MMP20: variants seen among roughly 807,000 people sequenced by gnomAD.
The protein encoded by MMP20 is matrix metalloproteinase-20.
A neutral mutation model predicts 51.8 loss-of-function variants in MMP20; 50 were observed. The observed-to-expected ratio is 0.97, with a 90% CI of 0.77 to 1.22. The LOEUF is 1.22. Ranked by LOEUF, MMP20 falls within the 50% of genes most tolerant of loss-of-function variation. The probability of loss-of-function intolerance (pLI) is 0.00; values close to 1 mark genes in which losing one functional copy is unlikely to be tolerated. For synonymous variants in MMP20, 244 were observed against 216.2 expected (o/e 1.13, Z -1.13); for missense variants, 663 against 601.4 (o/e 1.10, Z -1.07).
chr11:102,578,806 AAC>A (rs1491182978), intron 9 of MMP20, among the ~76,000 whole-genome samples: 3 of 152,032 alleles, frequency 2.0e-5, no homozygotes, highest in Non-Finnish European at 2.9e-5. Flanking sequence ...AACAAAAACA[AAC>A]AAACAAACAA....
At chr11:102,581,438 T>C (rs1859195133) in intron 8 of MMP20, among the ~76,000 whole-genome samples, 1 of 152,152 alleles carries the variant, frequency 6.6e-6, no homozygotes. Context: ...TTGGAGGCAG[T>C]CCAGAGAACC....
chr11:102,585,856 G>T (rs77092650), intron 8 of MMP20, among the ~76,000 whole-genome samples: 2,761 of 152,138 alleles, frequency 0.018, 76 homozygotes, highest in African/African-American at 0.062. Context: ...TGCTTTTACT[G>T]TATCTACTGA....
At chr11:102,601,818 C>T (rs1220399815) in intron 6 of MMP20, among the ~76,000 whole-genome samples, 3 of 152,184 alleles carry the variant, frequency 2.0e-5, no homozygotes, top group Non-Finnish European at 4.4e-5. Context: ...TTTCCCTTTT[C>T]CATTGTTCTT....
intron 7 of MMP20, among the ~76,000 whole-genome samples, chr11:102,593,897 A>T (rs1379718313): frequency 6.6e-6 from 1 of 152,244 alleles, no homozygotes; most frequent in Admixed American, 6.5e-5. Context: ...TCACCTTCAT[A>T]GATCTACGAG....
Position 102,601,325 on chromosome 11 carries a change from G to A in MMP20, c.953+5210C>T, listed in dbSNP as rs1859443857. Among the ~76,000 whole-genome samples, 2 of 52,548 alleles carry A rather than the reference G, an allele frequency of 3.8e-5. 1 individual carries two copies. Among genetic ancestry groups the A allele is most frequent in the African/African-American group, 1.2e-4 (2 of 17,354 alleles). The allele number at this position is 52,548 out of a possible 152,430, so 34.5% of individuals were successfully genotyped here. A position where few individuals can be genotyped will look rare whatever the true frequency, so the allele number is the denominator to read the frequency against. On this transcript the variant is annotated intron_variant, in intron 6 of 9. Coordinates refer to ENST00000260228, the MANE Select transcript of MMP20 (RefSeq NM_004771.4). ...TTTTTTGTATTTTTAGTAGAGACGG[G>A]GTTTCACCGTTTTAGCCGGGATGGT...
At chr11:102,603,162 A>G (rs1859470138) in intron 6 of MMP20, among the ~76,000 whole-genome samples, 1 of 152,234 alleles carries the variant, frequency 6.6e-6, no homozygotes, top group African/African-American at 2.4e-5. Flanking sequence ...TATTATGCCC[A>G]CAGCTTGAAA....
chr11:102,621,979 G>A (rs1010775980), intron 1 of MMP20, among the ~76,000 whole-genome samples: 8 of 152,132 alleles, frequency 5.3e-5, no homozygotes, highest in Non-Finnish European at 1.2e-4. Context: ...TAAAAAGTAT[G>A]TTTTAAATGT....
intron 9 of MMP20, 47 bp from the exon 10 acceptor site, chr11:102,577,473 A>G (rs1859139588): frequency 1.6e-6 from 2 of 1,270,440 alleles, no homozygotes; most frequent in Non-Finnish European, 2.3e-6. Context: ...TGTCCAGCAC[A>G]TATATAAATG....
intron 6 of MMP20, among the ~76,000 whole-genome samples, chr11:102,595,269 C>G (rs924288462): frequency 2.0e-5 from 3 of 152,122 alleles, no homozygotes; most frequent in African/African-American, 7.2e-5. Context: ...CTTTTTGGAC[C>G]TTGGTAAACA....
intron 6 of MMP20, among the ~76,000 whole-genome samples, chr11:102,601,589 C>T (rs1859447148): frequency 2.0e-5 from 3 of 152,168 alleles, no homozygotes; most frequent in African/African-American, 7.2e-5. Flanking sequence ...TTAAATGTCT[C>T]CTTTATGTGG....
intron 5 of MMP20, chr11:102,607,952 C>T (rs894743527): frequency 2.0e-5 from 3 of 152,156 alleles, no homozygotes; most frequent in African/African-American, 7.2e-5. Context: ...TGCTTTCCCC[C>T]TCCTGGAAAT....
intron 3 of MMP20, among the ~76,000 whole-genome samples, 183 bp downstream of exon 3, chr11:102,611,572 G>T (rs1859600033): frequency 6.6e-6 from 1 of 152,224 alleles, no homozygotes; most frequent in Non-Finnish European, 1.5e-5. Flanking sequence ...GACATGCTAA[G>T]AACTCCTTTG....
intron 1 of MMP20, among the ~76,000 whole-genome samples, chr11:102,618,689 C>T (rs2509020): frequency 0.41 from 62,344 of 151,916 alleles, 13,218 homozygotes; most frequent in South Asian, 0.58. Flanking sequence ...TATACACACA[C>T]GCACACACAT....
At chr11:102,619,850 G>C (rs960004029) in intron 1 of MMP20, among the ~76,000 whole-genome samples, 1 of 151,440 alleles carries the variant, frequency 6.6e-6, no homozygotes, top group Non-Finnish European at 1.5e-5. Context: ...TGCACAAAAT[G>C]TTAGTCTTAG....
At chr11:102,600,447 A>G (rs2509015) in intron 6 of MMP20, among the ~76,000 whole-genome samples, 77,563 of 151,392 alleles carry the variant, frequency 0.51, 20,335 homozygotes, top group South Asian at 0.67. Context: ...TGAATGATCT[A>G]TCTCAACTCT....
chr11:102,592,381 C>T (rs530805807), intron 8 of MMP20, among the ~76,000 whole-genome samples: 3 of 152,192 alleles, frequency 2.0e-5, no homozygotes, highest in Admixed American at 6.5e-5. Context: ...TCAGCAGAGT[C>T]CATATTTGTT....
At chr11:102,594,578 C>A (rs772665254) in intron 7 of MMP20, 43 bp downstream of exon 7, 4 of 1,610,408 alleles carry the variant, frequency 2.5e-6, no homozygotes, top group Middle Eastern at 2.0e-4. Flanking sequence ...GAATGGGGCA[C>A]TGCAGCCCTG....
chr11:102,601,202 G>T (rs1859442714), intron 6 of MMP20, among the ~76,000 whole-genome samples: 1 of 29,448 alleles, frequency 3.4e-5, no homozygotes, highest in South Asian at 2.3e-3. Context: ...GCGGGATCTC[G>T]GCTCACTGCA....
intron 5 of MMP20, chr11:102,608,170 C>T (rs1001990117): frequency 1.3e-5 from 2 of 152,170 alleles, no homozygotes; most frequent in South Asian, 2.1e-4. Context: ...AATCAGAAGC[C>T]TAATAACCAG....
Sources: gnomAD v4.1 joint callset for allele counts (sites outside exome capture counted in the v4.1 genomes callset) on GRCh38, gnomAD v4.1.1 for gene constraint, MANE v1.5 for transcripts, NCBI Gene and HGNC (gene_info 2026-07-23, HGNC 2026-07-21) for gene names.